The following CACNA1D variants were observed in gnomAD, a reference collection of about 807,000 sequenced individuals.
CACNA1D encodes voltage-dependent L-type calcium channel subunit alpha-1D.
Under a neutral mutation model 257.1 loss-of-function variants are expected in CACNA1D, and 55 were observed. The observed-to-expected ratio is 0.21, with a 90% CI of 0.17 to 0.27. The LOEUF (loss-of-function observed/expected upper bound fraction) is 0.27. Among genes scored for constraint, CACNA1D ranks in the 10% least tolerant of loss-of-function variants. The pLI, the probability that CACNA1D is intolerant of heterozygous loss-of-function variation, is 1.00. For synonymous variants in CACNA1D, 980 were observed against 1,014.9 expected (o/e 0.97, Z 0.65); for missense variants, 1,876 against 2,784.0 (o/e 0.67, Z 7.34).
chr3:53,626,267 G>A (rs2108078340), intron 3 of CACNA1D, among the ~76,000 whole-genome samples: 1 of 152,298 alleles, frequency 6.6e-6, no homozygotes, highest in South Asian at 2.1e-4. Flanking sequence ...TTCCAGAAAA[G>A]CCTGCTCTAA....
intron 8 of CACNA1D, among the ~76,000 whole-genome samples, chr3:53,694,127 G>A (rs564415112): frequency 2.0e-5 from 3 of 152,326 alleles, no homozygotes; most frequent in African/African-American, 4.8e-5. Context: ...GCTGAGCCAG[G>A]GGTCCAGGAG....
Position 53,803,408 on chromosome 3 carries a change from C to T in CACNA1D, c.5436-15C>T, listed in dbSNP as rs542956262. 4 of 1,614,012 alleles carry T rather than the reference C, an allele frequency of 2.5e-6. No homozygotes were observed. Among genetic ancestry groups the T allele is most frequent in the Non-Finnish European group, 3.4e-6 (4 of 1,180,000 alleles). On this transcript the variant is annotated splice_polypyrimidine_tract_variant and intron_variant, in intron 43 of 47. Coordinates refer to ENST00000350061, the MANE Select transcript of CACNA1D (RefSeq NM_001128840.3). ...CCGCCTGCCCAGGTTCTCAGATCCTCTCTCCCAACTGCAGGTCCGACTCAG... is the reference window on the plus strand; with the variant it reads ...CCGCCTGCCCAGGTTCTCAGATCCTTTCTCCCAACTGCAGGTCCGACTCAG...
intron 3 of CACNA1D, among the ~76,000 whole-genome samples, chr3:53,622,512 A>G (rs1337158297): frequency 6.6e-6 from 1 of 152,228 alleles, no homozygotes; most frequent in East Asian, 1.9e-4. Context: ...TTAGCAAACT[A>G]ACCCAGGAAC....
intron 40 of CACNA1D, chr3:53,791,297 C>T (rs2095481723): frequency 5.3e-6 from 2 of 374,998 alleles, no homozygotes; most frequent in Non-Finnish European, 4.8e-6. Flanking sequence ...GTTTTCCCTT[C>T]CAAGCAGAGA....
At chr3:53,711,752 G>A (rs894885268) in intron 9 of CACNA1D, among the ~76,000 whole-genome samples, 1 of 152,228 alleles carries the variant, frequency 6.6e-6, no homozygotes, top group African/African-American at 2.4e-5. Flanking sequence ...TTATATTAGA[G>A]TCTAGGTCTC....
At chr3:53,637,335 G>A (rs2093895965) in intron 3 of CACNA1D, among the ~76,000 whole-genome samples, 1 of 152,110 alleles carries the variant, frequency 6.6e-6, no homozygotes, top group Non-Finnish European at 1.5e-5. Flanking sequence ...AAGATCGTAG[G>A]CACTCTTTCT....
chr3:53,776,562 A>G, intron 35 of CACNA1D, 41 bp from the exon 36 acceptor site: 1 of 1,613,212 alleles, frequency 6.2e-7, no homozygotes, highest in Middle Eastern at 1.7e-4. Flanking sequence ...AACGCAATCC[A>G]GCTGCAGCTG....
intron 4 of CACNA1D, among the ~76,000 whole-genome samples, chr3:53,653,136 G>A (rs937858861): frequency 3.3e-5 from 5 of 152,054 alleles, no homozygotes; most frequent in Non-Finnish European, 5.9e-5. Flanking sequence ...CTGTAATCCC[G>A]GCTACATGGG....
At chr3:53,760,429 C>G (rs1213598810) in intron 29 of CACNA1D, among the ~76,000 whole-genome samples, 2 of 152,154 alleles carry the variant, frequency 1.3e-5, no homozygotes, top group Non-Finnish European at 2.9e-5. Flanking sequence ...ACTAAATGTA[C>G]CCCGTTGTAA....
At chr3:53,586,109 A>G (rs1395248959) in intron 3 of CACNA1D, among the ~76,000 whole-genome samples, 5 of 152,172 alleles carry the variant, frequency 3.3e-5, no homozygotes, top group African/African-American at 1.2e-4. Flanking sequence ...TCCTCTGGAA[A>G]ATGTTGGAAA....
intron 3 of CACNA1D, among the ~76,000 whole-genome samples, chr3:53,623,892 C>T (rs934202574): frequency 2.2e-4 from 33 of 152,056 alleles, no homozygotes; most frequent in African/African-American, 7.3e-4. Flanking sequence ...AACAAAGAAT[C>T]AATAAGTAGA....
intron 3 of CACNA1D, among the ~76,000 whole-genome samples, chr3:53,639,270 C>T (rs1246056551): frequency 6.6e-6 from 1 of 152,040 alleles, no homozygotes; most frequent in African/African-American, 2.4e-5. Context: ...CTATCTTACT[C>T]TGTAGCTTGG....
At position 53,675,627 on chromosome 3, in the gene CACNA1D, C is replaced by T. The variant is rs1427706640; in HGVS notation, c.1220+2501C>T. On this transcript the variant is annotated intron_variant, in intron 8 of 47. Transcript: ENST00000350061. ...AAAGAGAAAAAGATGGGCGGGGGGG[C>T]TTCCCACTATCACAAATGGGGATTA... 2.0e-5 allele frequency among the ~76,000 whole-genome samples: 3 copies of T among 152,078 alleles called. No homozygotes were observed. In the East Asian group the frequency reaches 5.8e-4, roughly 29 times the overall value.
At chr3:53,504,750 T>G (rs140043378) in intron 3 of CACNA1D, among the ~76,000 whole-genome samples, 123 of 152,294 alleles carry the variant, frequency 8.1e-4, no homozygotes, top group Non-Finnish European at 2.2e-4. Context: ...AGAGTGGGGA[T>G]GATTACAATA....
chr3:53,746,676 G>A (rs773515110), intron 25 of CACNA1D, among the ~76,000 whole-genome samples: 8 of 152,172 alleles, frequency 5.3e-5, no homozygotes, highest in Non-Finnish European at 1.0e-4. Flanking sequence ...CGTTCATGGC[G>A]TCCCTGGAGG....
At chr3:53,804,375 C>T (rs532658966) in intron 44 of CACNA1D, among the ~76,000 whole-genome samples, 2 of 152,188 alleles carry the variant, frequency 1.3e-5, no homozygotes, top group African/African-American at 4.8e-5. Context: ...GGCTTTTGCT[C>T]ACACTGTGGC....
At chr3:53,639,185 G>A (rs2093919741) in intron 3 of CACNA1D, among the ~76,000 whole-genome samples, 1 of 152,084 alleles carries the variant, frequency 6.6e-6, no homozygotes, top group Non-Finnish European at 1.5e-5. Context: ...GCTCTGTTGT[G>A]TAGGCCAGAG....
In CACNA1D at chr3:53,648,765, G is replaced by A. The variant is rs1237436631; in HGVS notation, c.484-2014G>A. ...AGTCTAGAGGGGGCATGAGTATAGA[G>A]GTTGGAGATGAGCTAGGCTTTCTAA... On this transcript the variant is annotated intron_variant, in intron 3 of 47. Transcript: ENST00000350061. 6.6e-5 allele frequency among the ~76,000 whole-genome samples: 10 copies of A among 152,102 alleles called. No individual in the cohort carries two copies. In the East Asian group the frequency reaches 1.7e-3, roughly 26 times the overall value.
At chr3:53,684,810 G>A (rs534778092) in intron 8 of CACNA1D, among the ~76,000 whole-genome samples, 53 of 152,208 alleles carry the variant, frequency 3.5e-4, no homozygotes, top group African/African-American at 1.3e-3. Context: ...GCTTCACTGT[G>A]ATAAAGTTAC....
Sources: allele counts gnomAD v4.1 joint callset (sites outside exome capture counted in the v4.1 genomes callset), GRCh38; gene constraint gnomAD v4.1.1; transcripts MANE v1.5; gene names NCBI Gene and HGNC (gene_info 2026-07-23, HGNC 2026-07-21).